Variants in PCDHA1 observed in about 807,000 individuals in gnomAD.
The protein encoded by PCDHA1 is protocadherin alpha-1.
In PCDHA1, 42 loss-of-function variants were observed where a neutral mutation model predicts 61.3. The ratio of observed to expected loss-of-function variants is 0.69; its 90% CI spans 0.54 to 0.89. The LOEUF (loss-of-function observed/expected upper bound fraction) is 0.89, where lower values mean the gene tolerates loss of function less well. Among genes scored for constraint, PCDHA1 ranks in the 40% least tolerant of loss-of-function variants. The pLI, the probability that PCDHA1 is intolerant of heterozygous loss-of-function variation, is 0.00. For missense variants in PCDHA1, 1,256 were observed against 1,235.3 expected (o/e 1.02, Z -0.25); for synonymous variants, 610 against 553.8 (o/e 1.10, Z -1.43).
At chr5:140,836,422 C>T in intron 1 of PCDHA1, 1 of 1,613,788 alleles carries the variant, frequency 6.2e-7, no homozygotes, top group South Asian at 1.1e-5. Context: ...AAGGCGTCGT[C>T]GCGGGCATCG....
rs959323631 is a variant in PCDHA1 at position 140,967,718 on chromosome 5, C to A, written c.2395-11231C>A. The A allele has an allele frequency of 8.7e-6, 14 of 1,614,106 alleles. 1 individual carries two copies. The South Asian group carries it at 1.5e-4, about 18-fold the overall frequency. ...CATAGATGCCAGTACCGGGGAAGTG[C>A]GAGTAATTGGGGGGCTGGATTATGA... On this transcript the variant is annotated intron_variant, in intron 1 of 3. Transcript: ENST00000504120.
chr5:140,843,689 G>A lies in PCDHA1; in HGVS notation c.2394+55005G>A, dbSNP rs2150365146. 5 of 1,587,152 alleles carry A rather than the reference G, an allele frequency of 3.2e-6. 1 individual carries two copies. The highest frequency in any genetic ancestry group is 4.3e-6 in the Non-Finnish European group (5 of 1,157,468). On this transcript the variant is annotated intron_variant, in intron 1 of 3. Coordinates refer to ENST00000504120, the MANE Select transcript of PCDHA1 (RefSeq NM_018900.4). ...ATCAGTTGATGTAGGCGAAGAGCAAGATTTAAATGTTGATCATGGCCTCAA... is the reference window on the plus strand; with the variant it reads ...ATCAGTTGATGTAGGCGAAGAGCAAAATTTAAATGTTGATCATGGCCTCAA...
chr5:140,858,506 A>C (rs1581511575), intron 1 of PCDHA1: 1 of 1,447,272 alleles, frequency 6.9e-7, no homozygotes, highest in Non-Finnish European at 9.5e-7. Context: ...CATTTTCTCA[A>C]ATATGTATCA....
At chr5:140,795,805 C>T (rs1165165877) in intron 1 of PCDHA1, 3 of 1,613,490 alleles carry the variant, frequency 1.9e-6, no homozygotes, top group Non-Finnish European at 2.5e-6. Context: ...TGTGTATTCA[C>T]TCGGTAGTGA....
intron 3 of PCDHA1, among the ~76,000 whole-genome samples, chr5:141,003,397 C>T (rs370088269): frequency 2.0e-5 from 3 of 152,086 alleles, no homozygotes; most frequent in African/African-American, 4.8e-5. Flanking sequence ...CTGAAACCTC[C>T]GCCTCCCGGG....
At chr5:140,988,556 C>A (rs574182013) in intron 3 of PCDHA1, among the ~76,000 whole-genome samples, 1 of 152,158 alleles carries the variant, frequency 6.6e-6, no homozygotes, top group South Asian at 2.1e-4. Flanking sequence ...TCTTCATCTT[C>A]TTCTTGGGAA....
intron 1 of PCDHA1, chr5:140,884,747 T>A: frequency 7.0e-7 from 1 of 1,433,190 alleles, no homozygotes; most frequent in African/African-American, 1.4e-5. Context: ...TCCTGCCAAT[T>A]TCAAATTATT....
At chr5:140,803,627 T>A (rs782685933) in intron 1 of PCDHA1, 6 of 1,613,846 alleles carry the variant, frequency 3.7e-6, no homozygotes, top group Non-Finnish European at 5.1e-6. Flanking sequence ...CAAAATGTCT[T>A]TGTTTTTCAT....
chr5:140,830,145 G>A (rs1406638033), intron 1 of PCDHA1: 3 of 1,613,062 alleles, frequency 1.9e-6, no homozygotes, highest in Non-Finnish European at 2.5e-6. Flanking sequence ...GCGTCGGTGG[G>A]CGCCGCGGGC....
In PCDHA1 at chr5:140,937,639, A is replaced by G. The variant is rs140444916; in HGVS notation, c.2395-41310A>G. On this transcript the variant is annotated intron_variant, in intron 1 of 3. Transcript: ENST00000504120. ...CTAAAAAGAAAAAGAAAGGCAGGGC[A>G]TGGTGGCTCACGCCTGTAATCCCAG... is the stretch of plus-strand genomic sequence containing the variant. 9.3e-5 allele frequency among the ~76,000 whole-genome samples: 14 copies of G among 151,094 alleles called. No individual in the cohort carries two copies. In the East Asian group the frequency reaches 1.8e-3, roughly 20 times the overall value.
chr5:140,831,151 A>G (rs1771403401), intron 1 of PCDHA1: 1 of 152,212 alleles, frequency 6.6e-6, no homozygotes, highest in Admixed American at 6.6e-5. Context: ...TTTACTACCG[A>G]TCTAAATAAT....
At position 140,801,226 on chromosome 5, in the gene PCDHA1, G is replaced by A. The variant is rs143390889; in HGVS notation, c.2394+12542G>A. On this transcript the variant is annotated intron_variant, in intron 1 of 3. Coordinates refer to ENST00000504120, the MANE Select transcript of PCDHA1 (RefSeq NM_018900.4). ...TTGTTCTCCTGGCGAGAAGATCCTG[G>A]AGCCCAGTGCCTGCTGCTTTCTCTT... The A allele has an allele frequency of 2.5e-6, 4 of 1,610,810 alleles. No individual in the cohort carries two copies. In the African/African-American group the frequency reaches 5.3e-5, roughly 22 times the overall value.
chr5:140,809,099 G>T, intron 1 of PCDHA1: 1 of 1,613,982 alleles, frequency 6.2e-7, no homozygotes, highest in South Asian at 1.1e-5. Flanking sequence ...GCGTGCCCTG[G>T]ACGAAACGGA....
intron 1 of PCDHA1, chr5:140,881,378 G>A (rs2058692175): frequency 1.0e-6 from 1 of 984,802 alleles, no homozygotes; most frequent in Non-Finnish European, 1.2e-6. Context: ...ATTGCAGCCG[G>A]CGGCGGTAAG....
At chr5:140,929,051 G>A (rs1398009156) in intron 1 of PCDHA1, 2 of 1,614,170 alleles carry the variant, frequency 1.2e-6, no homozygotes, top group South Asian at 1.1e-5. Flanking sequence ...AGCTGCTGTC[G>A]CTCTACAGAG....
At chr5:140,870,333 C>A in intron 1 of PCDHA1, 1 of 1,614,164 alleles carries the variant, frequency 6.2e-7, no homozygotes, top group Non-Finnish European at 8.5e-7. Flanking sequence ...TGCTGGACAG[C>A]GCCCTGGACC....
intron 1 of PCDHA1, chr5:140,808,155 T>G: frequency 1.2e-6 from 2 of 1,614,186 alleles, no homozygotes; most frequent in Non-Finnish European, 1.7e-6. Context: ...GTAGAGGGCA[T>G]TGATAAGGGA....
intron 1 of PCDHA1, chr5:140,827,937 T>C (rs1259463577): frequency 8.9e-7 from 1 of 1,126,774 alleles, no homozygotes; most frequent in African/African-American, 1.6e-5. Context: ...AAGTTATAGC[T>C]AGCCAACATT....
chr5:140,917,948 A>AT (rs1443419626), intron 1 of PCDHA1, among the ~76,000 whole-genome samples: 16 of 151,986 alleles, frequency 1.1e-4, no homozygotes, highest in African/African-American at 3.9e-4. Flanking sequence ...TGGTAGTTTG[A>AT]TAGGAACATC....
Sources: gnomAD v4.1 joint callset for allele counts (sites outside exome capture counted in the v4.1 genomes callset) on GRCh38, gnomAD v4.1.1 for gene constraint, MANE v1.5 for transcripts, NCBI Gene and HGNC (gene_info 2026-07-23, HGNC 2026-07-21) for gene names.